TGFA: variants seen among roughly 807,000 people sequenced by gnomAD.
TGFA encodes the protein transforming growth factor alpha, also known as protransforming growth factor alpha.
TGFA carries 12 observed loss-of-function variants against 21.7 expected under a neutral mutation model. That is an observed-to-expected ratio of 0.55 (90% confidence interval 0.35 to 0.90). The LOEUF is 0.90. Ranked by LOEUF, TGFA falls within the 40% of genes least tolerant of loss-of-function variation. TGFA has a pLI of 0.01. For missense variants in TGFA, 178 were observed against 210.8 expected, an observed-to-expected ratio of 0.84 and a Z score of 0.96; for synonymous variants, 79 against 88.1, an observed-to-expected ratio of 0.90 and a Z score of 0.58.
intron 1 of TGFA, among the ~76,000 whole-genome samples, chr2:70,545,570 T>A (rs1553505763): frequency 6.6e-6 from 1 of 152,098 alleles, no homozygotes; most frequent in Admixed American, 6.5e-5. Context: ...AAAATGAAAA[T>A]GAGTTACATC....
chr2:70,523,165 G>T (rs1672529305), intron 1 of TGFA, among the ~76,000 whole-genome samples: 1 of 152,136 alleles, frequency 6.6e-6, no homozygotes, highest in African/African-American at 2.4e-5. Flanking sequence ...CCGATGAGAT[G>T]ACCCCTGAAA....
At chr2:70,471,724 C>T (rs1523305) in intron 2 of TGFA, among the ~76,000 whole-genome samples, 78,146 of 151,884 alleles carry the variant, frequency 0.51, 20,256 homozygotes, top group East Asian at 0.59. Flanking sequence ...TTACATCATC[C>T]GCCAAGTCGA....
chr2:70,451,417 G>A (rs1670055148), intron 5 of TGFA, among the ~76,000 whole-genome samples: 1 of 152,200 alleles, frequency 6.6e-6, no homozygotes, highest in African/African-American at 2.4e-5. Context: ...GGTGCTCACA[G>A]GTGAGTACCA....
chr2:70,544,455 A>T lies in TGFA; in HGVS notation c.40+9273T>A, dbSNP rs186240687. 3.8e-4 allele frequency among the ~76,000 whole-genome samples: 58 copies of T among 152,294 alleles called. 1 individual carries two copies. Among genetic ancestry groups the T allele is most frequent in the Non-Finnish European group, 6.0e-4 (41 of 68,016 alleles). On this transcript the variant is annotated intron_variant, in intron 1 of 5. Transcript: ENST00000295400. ...ACTGAAGGACTATTAGAATTAACAA[A>T]ACTCGTTAAGATATAAATATGAAAA...
intron 2 of TGFA, among the ~76,000 whole-genome samples, chr2:70,477,876 G>T (rs980140645): frequency 6.6e-6 from 1 of 152,162 alleles, no homozygotes; most frequent in African/African-American, 2.4e-5. Context: ...GTTACAGCAG[G>T]GAGTGTTACT....
At chr2:70,530,515 C>A (rs1355754519) in intron 1 of TGFA, among the ~76,000 whole-genome samples, 1 of 152,108 alleles carries the variant, frequency 6.6e-6, no homozygotes, top group African/African-American at 2.4e-5. Flanking sequence ...CACAAAAAAT[C>A]TTGTAATGTT....
Position 70,553,735 on chromosome 2 carries a change from G to A in TGFA, c.33C>T (p.Phe11=). The change falls in exon 1 of 6, where the codon TTC becomes TTT. Residue 11 remains phenylalanine, a synonymous_variant. Coordinates refer to ENST00000295400, the MANE Select transcript of TGFA (RefSeq NM_003236.4). MVPSAGQLAL[F]ALGIVLAACQ... Reference sequence around the variant, plus strand: ...CGCAGCCGGCGTACGTACCCAGAGCGAACAGGGCGAGCTGTCCAGCCGAGG... The same window carrying A: ...CGCAGCCGGCGTACGTACCCAGAGCAAACAGGGCGAGCTGTCCAGCCGAGG... 1 of 1,330,952 alleles carries A rather than the reference G, an allele frequency of 7.5e-7. No individual in the cohort carries two copies. 82.4% of individuals were successfully genotyped at this position (1,330,952 alleles called of 1,614,324 possible). A position where few individuals can be genotyped will look rare whatever the true frequency, so the allele number is the denominator to read the frequency against.
At chr2:70,484,555 T>C (rs1377465147) in intron 2 of TGFA, among the ~76,000 whole-genome samples, 1 of 152,238 alleles carries the variant, frequency 6.6e-6, no homozygotes, top group Admixed American at 6.5e-5. Context: ...GAATTACCTC[T>C]TCCCCTACAG....
chr2:70,475,183 G>T (rs1349130632), intron 2 of TGFA, among the ~76,000 whole-genome samples: 1 of 152,116 alleles, frequency 6.6e-6, no homozygotes, highest in South Asian at 2.1e-4. Context: ...AAAGTACCTG[G>T]TCTTAGAGTT....
At chr2:70,479,155 AT>A (rs1404271927) in intron 2 of TGFA, among the ~76,000 whole-genome samples, 3 of 152,206 alleles carry the variant, frequency 2.0e-5, no homozygotes, top group African/African-American at 7.2e-5. Context: ...AAAAAATTAT[AT>A]CCTCCCCATT....
intron 3 of TGFA, among the ~76,000 whole-genome samples, chr2:70,462,112 G>T (rs3771518): frequency 1.3e-5 from 2 of 152,078 alleles, no homozygotes; most frequent in South Asian, 4.2e-4. Context: ...CTGACCTCAG[G>T]GTATGTCAGG....
chr2:70,491,339 T>C (rs1427100192), intron 2 of TGFA, among the ~76,000 whole-genome samples: 1 of 152,154 alleles, frequency 6.6e-6, no homozygotes, highest in Non-Finnish European at 1.5e-5. Context: ...CCAGGACCAG[T>C]GGCTTTCAGT....
rs538896015 is a variant in TGFA at position 70,503,374 on chromosome 2, T to C, written c.94+11485A>G. ...TCACTCATAGGTGGGAATTGAACAA[T>C]GAGAACACATGGACACAGGAAGGGG... On this transcript the variant is annotated intron_variant, in intron 2 of 5. Transcript: ENST00000295400. Among the ~76,000 whole-genome samples the C allele has an allele frequency of 7.8e-3, 1,008 of 128,420 alleles. 10 individuals are homozygous for C. The highest frequency in any genetic ancestry group is 0.029 in the African/African-American group (971 of 33,172). The allele number at this position is 128,420 out of a possible 152,430, so 84.2% of individuals were successfully genotyped here.
chr2:70,510,443 AGTGT>A (rs1553500792), intron 2 of TGFA, among the ~76,000 whole-genome samples: 1 of 152,166 alleles, frequency 6.6e-6, no homozygotes, highest in Non-Finnish European at 1.5e-5. Flanking sequence ...CCAATCCATC[AGTGT>A]GTGGTCATGT....
intron 1 of TGFA, among the ~76,000 whole-genome samples, chr2:70,551,108 A>G (rs1553506774): frequency 6.6e-6 from 1 of 152,182 alleles, no homozygotes; most frequent in East Asian, 1.9e-4. Flanking sequence ...ATCTTACTAC[A>G]TACCAGGCAC....
chr2:70,524,091 C>G (rs1553502651), intron 1 of TGFA, among the ~76,000 whole-genome samples: 1 of 152,192 alleles, frequency 6.6e-6, no homozygotes, highest in South Asian at 2.1e-4. Context: ...ACTCACACTG[C>G]CACACAGACA....
chr2:70,469,910 C>G (rs1657038668), intron 2 of TGFA, among the ~76,000 whole-genome samples: 1 of 152,166 alleles, frequency 6.6e-6, no homozygotes, highest in Non-Finnish European at 1.5e-5. Context: ...GAAGGGTGGA[C>G]TCTGCTATGG....
chr2:70,528,156 G>C (rs1672696282), intron 1 of TGFA, among the ~76,000 whole-genome samples: 1 of 152,174 alleles, frequency 6.6e-6, no homozygotes, highest in African/African-American at 2.4e-5. Flanking sequence ...ATGTGTTGAA[G>C]GGCTATGTTC....
intron 2 of TGFA, among the ~76,000 whole-genome samples, chr2:70,473,531 C>T (rs560774923): frequency 4.6e-5 from 7 of 151,852 alleles, no homozygotes; most frequent in African/African-American, 1.5e-4. Context: ...TTTCCTGGGG[C>T]TGTGTGTGCA....
Sources: allele counts gnomAD v4.1 joint callset (sites outside exome capture counted in the v4.1 genomes callset), GRCh38; gene constraint gnomAD v4.1.1; transcripts MANE v1.5; gene names NCBI Gene and HGNC (gene_info 2026-07-23, HGNC 2026-07-21).